CAMK2D: variants seen among roughly 807,000 people sequenced by gnomAD.
The protein encoded by CAMK2D is calcium/calmodulin-dependent protein kinase type II subunit delta.
In CAMK2D, 37 loss-of-function variants were observed where a neutral mutation model predicts 84.0. That is an observed-to-expected ratio of 0.44 (90% confidence interval 0.34 to 0.58). The LOEUF (loss-of-function observed/expected upper bound fraction) is 0.58, where lower values mean the gene tolerates loss of function less well. Among genes scored for constraint, CAMK2D ranks in the 20% least tolerant of loss-of-function variants. CAMK2D has a pLI of 0.02. For synonymous variants in CAMK2D, 202 were observed against 212.5 expected (o/e 0.95, Z 0.43); for missense variants, 448 against 652.5 (o/e 0.69, Z 3.41).
At chr4:113,586,879 A>T (rs557285795) in intron 4 of CAMK2D, among the ~76,000 whole-genome samples, 37 of 152,322 alleles carry the variant, frequency 2.4e-4, no homozygotes, top group African/African-American at 8.4e-4. Flanking sequence ...GAACAGGGTC[A>T]TGGAACAAGG....
chr4:113,567,819 A>T (rs1355348503), intron 4 of CAMK2D, among the ~76,000 whole-genome samples: 1 of 152,218 alleles, frequency 6.6e-6, no homozygotes, highest in East Asian at 1.9e-4. Flanking sequence ...AAAATAGTTG[A>T]AGAACATAAC....
At chr4:113,624,104 T>C (rs1407797561) in intron 3 of CAMK2D, among the ~76,000 whole-genome samples, 1 of 152,190 alleles carries the variant, frequency 6.6e-6, no homozygotes, top group African/African-American at 2.4e-5. Context: ...CAATGGAGAC[T>C]TTCCTTCTAT....
intron 3 of CAMK2D, among the ~76,000 whole-genome samples, chr4:113,640,248 C>T (rs531236133): frequency 1.3e-5 from 2 of 151,968 alleles, no homozygotes; most frequent in East Asian, 1.9e-4. Context: ...GGAAACGTGT[C>T]TGGAGAGAAA....
intron 16 of CAMK2D, among the ~76,000 whole-genome samples, chr4:113,477,962 A>G (rs2097651334): frequency 6.6e-6 from 1 of 152,224 alleles, no homozygotes; most frequent in Admixed American, 6.5e-5. Flanking sequence ...TAGTAGATAC[A>G]TATTTGTGAG....
intron 8 of CAMK2D, among the ~76,000 whole-genome samples, chr4:113,522,609 C>A (rs547615624): frequency 2.0e-5 from 3 of 152,132 alleles, no homozygotes; most frequent in Non-Finnish European, 4.4e-5. Flanking sequence ...GGGATGAAGG[C>A]CTGCACCTGT....
intron 3 of CAMK2D, among the ~76,000 whole-genome samples, chr4:113,616,835 A>G (rs1488084960): frequency 2.6e-5 from 4 of 152,210 alleles, no homozygotes; most frequent in African/African-American, 9.6e-5. Flanking sequence ...ATTTAGTAAT[A>G]TCTGGAAACA....
chr4:113,723,352 C>T (rs1310091238), intron 2 of CAMK2D, among the ~76,000 whole-genome samples: 1 of 151,730 alleles, frequency 6.6e-6, no homozygotes, highest in Non-Finnish European at 1.5e-5. Context: ...AGCCTCCTAA[C>T]TAGCTGGGAA....
intron 4 of CAMK2D, among the ~76,000 whole-genome samples, chr4:113,581,827 A>G (rs1281782017): frequency 6.6e-6 from 1 of 152,180 alleles, no homozygotes; most frequent in Non-Finnish European, 1.5e-5. Flanking sequence ...GAAAACTAGA[A>G]CTCACACCAG....
intron 2 of CAMK2D, among the ~76,000 whole-genome samples, chr4:113,744,176 T>C (rs555380496): frequency 1.3e-5 from 2 of 152,230 alleles, no homozygotes; most frequent in Non-Finnish European, 2.9e-5. Context: ...TTTCATGTTA[T>C]CGCCATTTGT....
intron 3 of CAMK2D, 102 bp from the exon 4 acceptor site, chr4:113,609,308 G>A: frequency 1.4e-6 from 1 of 696,356 alleles, no homozygotes; most frequent in South Asian, 1.6e-5. Flanking sequence ...AGAAATGTTG[G>A]CATTACATTT....
intron 2 of CAMK2D, among the ~76,000 whole-genome samples, chr4:113,720,996 G>A (rs889932148): frequency 6.6e-6 from 1 of 152,092 alleles, no homozygotes; most frequent in Non-Finnish European, 1.5e-5. Context: ...CATATGCAAG[G>A]ATAAACAGGC....
intron 2 of CAMK2D, among the ~76,000 whole-genome samples, chr4:113,703,318 G>T (rs891522835): frequency 6.6e-6 from 1 of 152,172 alleles, no homozygotes; most frequent in Non-Finnish European, 1.5e-5. Flanking sequence ...TCTGTTTTGT[G>T]TTTTTTGTGG....
intron 2 of CAMK2D, among the ~76,000 whole-genome samples, chr4:113,709,782 T>TATATATATATATATATATATATGA (rs1561971636): frequency 7.9e-6 from 1 of 127,274 alleles, no homozygotes; most frequent in Non-Finnish European, 1.6e-5. Flanking sequence ...TATATATATA[T>TATATATATATATATATATATATGA]GAGAGACTTC....
At chr4:113,749,923 C>T (rs2099613423) in intron 2 of CAMK2D, among the ~76,000 whole-genome samples, 1 of 152,140 alleles carries the variant, frequency 6.6e-6, no homozygotes, top group Non-Finnish European at 1.5e-5. Flanking sequence ...ATTTACTTTG[C>T]CAGTCATAAG....
intron 4 of CAMK2D, among the ~76,000 whole-genome samples, chr4:113,604,999 G>A (rs2098971218): frequency 6.6e-6 from 1 of 152,162 alleles, no homozygotes; most frequent in Admixed American, 6.5e-5. Context: ...TTTGGCATAA[G>A]GATTATTTTG....
At chr4:113,739,726 C>T (rs906204560) in intron 2 of CAMK2D, among the ~76,000 whole-genome samples, 10 of 152,250 alleles carry the variant, frequency 6.6e-5, no homozygotes, top group African/African-American at 2.4e-4. Flanking sequence ...TATAATACTT[C>T]TCATTTACAA....
chr4:113,607,335 G>A (rs1028484654), intron 4 of CAMK2D, among the ~76,000 whole-genome samples: 3 of 152,178 alleles, frequency 2.0e-5, no homozygotes, highest in African/African-American at 7.2e-5. Context: ...CAGTAGGATT[G>A]TGCAGAAGTA....
chr4:113,611,492 A>G (rs1267825701), intron 3 of CAMK2D, among the ~76,000 whole-genome samples: 2 of 152,200 alleles, frequency 1.3e-5, no homozygotes, highest in African/African-American at 4.8e-5. Context: ...AATCACCATT[A>G]CTTTCTTCCA....
chr4:113,548,414 T>C (rs57318679), intron 5 of CAMK2D, among the ~76,000 whole-genome samples: 3,599 of 152,272 alleles, frequency 0.024, 121 homozygotes, highest in African/African-American at 0.081. Context: ...GGTAGGTAGT[T>C]TACTGCTTGG....
Sources: gnomAD v4.1 joint callset for allele counts (sites outside exome capture counted in the v4.1 genomes callset) on GRCh38, gnomAD v4.1.1 for gene constraint, MANE v1.5 for transcripts, NCBI Gene and HGNC (gene_info 2026-07-23, HGNC 2026-07-21) for gene names.